UNC13C: variants seen among roughly 807,000 people sequenced by gnomAD.
UNC13C encodes the protein protein unc-13 homolog C.
Under a neutral mutation model 245.4 loss-of-function variants are expected in UNC13C, and 174 were observed. The ratio of observed to expected loss-of-function variants is 0.71; its 90% CI spans 0.63 to 0.80. The LOEUF (loss-of-function observed/expected upper bound fraction) is 0.80, where lower values mean the gene tolerates loss of function less well. UNC13C is among the 30% of genes least tolerant of loss of function. UNC13C has a pLI of 0.00. For synonymous variants in UNC13C, 992 were observed against 895.1 expected, an observed-to-expected ratio of 1.11 and a Z score of -1.93; for missense variants, 2,829 against 2,602.9, an observed-to-expected ratio of 1.09 and a Z score of -1.89.
the UNC13C span, among the ~76,000 whole-genome samples, chr15:53,850,556 A>AT: frequency 6.6e-6 from 1 of 152,206 alleles, no homozygotes; most frequent in Non-Finnish European, 1.5e-5. Flanking sequence ...ATCTGCAATC[A>AT]TTCCTTGTTG....
chr15:54,311,332 A>G (rs1253555212), intron 13 of UNC13C, among the ~76,000 whole-genome samples: 3 of 151,754 alleles, frequency 2.0e-5, no homozygotes, highest in Non-Finnish European at 4.4e-5. Context: ...TGTATTAAAA[A>G]CTGTTTAATT....
At chr15:53,999,857 T>C (rs1451497715) in intron 1 of UNC13C, among the ~76,000 whole-genome samples, 1 of 152,024 alleles carries the variant, frequency 6.6e-6, no homozygotes, top group Non-Finnish European at 1.5e-5. Flanking sequence ...TTTATAGATA[T>C]TTCATTCTTA....
chr15:54,380,862 T>TC (rs1408258028), intron 17 of UNC13C, among the ~76,000 whole-genome samples: 2 of 152,140 alleles, frequency 1.3e-5, no homozygotes, highest in East Asian at 3.8e-4. Flanking sequence ...GGGTAGTAAC[T>TC]CCTTATCAAA....
chr15:53,880,711 T>C, the UNC13C span, among the ~76,000 whole-genome samples: 12 of 151,930 alleles, frequency 7.9e-5, no homozygotes, highest in South Asian at 1.7e-3. Context: ...TTTTTTTTTT[T>C]CTGAAATCAT....
intron 7 of UNC13C, among the ~76,000 whole-genome samples, chr15:54,245,984 A>C (rs1468201120): frequency 1.3e-5 from 2 of 152,108 alleles, no homozygotes; most frequent in African/African-American, 4.8e-5. Flanking sequence ...TGGCAAATGG[A>C]GGCAGACAAG....
At chr15:54,187,238 C>T (rs2034022798) in intron 4 of UNC13C, among the ~76,000 whole-genome samples, 1 of 152,044 alleles carries the variant, frequency 6.6e-6, no homozygotes, top group Non-Finnish European at 1.5e-5. Context: ...TCACTACTGC[C>T]TTACCCTGAC....
the UNC13C span, among the ~76,000 whole-genome samples, chr15:53,957,847 C>G: frequency 6.6e-6 from 1 of 152,158 alleles, no homozygotes; most frequent in South Asian, 2.1e-4. Flanking sequence ...CAACAAACAC[C>G]AAATAGTCCC....
chr15:54,028,835 C>T (rs962892357), intron 2 of UNC13C, among the ~76,000 whole-genome samples: 8 of 151,914 alleles, frequency 5.3e-5, no homozygotes, highest in African/African-American at 1.2e-4. Context: ...GGACTACAGG[C>T]GCCCGCAGCC....
At position 54,581,271 on chromosome 15, in the gene UNC13C, C is replaced by T. The variant is rs145023398; in HGVS notation, c.6106+13324C>T. ...TGTCAGAAAGACACAGAGATCAAAG[C>T]GACAAGAAGACCAATCAGAGTGGAG... On this transcript the variant is annotated intron_variant, in intron 30 of 32. Coordinates refer to ENST00000260323, the MANE Select transcript of UNC13C (RefSeq NM_001080534.3). 1.6e-3 allele frequency among the ~76,000 whole-genome samples: 240 copies of T among 152,230 alleles called. 1 individual carries two copies. The highest frequency in any genetic ancestry group is 5.7e-3 in the African/African-American group (235 of 41,544).
downstream of UNC13C, chr15:54,631,246 C>G (rs1202324020): frequency 1.3e-5 from 2 of 152,190 alleles, no homozygotes; most frequent in African/African-American, 2.4e-5. Flanking sequence ...ACTTGAGAGG[C>G]TGAGGCAGGA....
chr15:53,942,510 C>T, the UNC13C span, among the ~76,000 whole-genome samples: 1 of 150,336 alleles, frequency 6.7e-6, no homozygotes, highest in East Asian at 2.0e-4. Flanking sequence ...ACTTGTTTAC[C>T]TATGTAAAAA....
intron 1 of UNC13C, among the ~76,000 whole-genome samples, chr15:53,989,250 G>A (rs770248719): frequency 1.1e-4 from 16 of 151,454 alleles, no homozygotes; most frequent in Non-Finnish European, 2.4e-4. Context: ...TGCATTTATC[G>A]ATGAAGGCAA....
chr15:53,874,325 T>C, the UNC13C span, among the ~76,000 whole-genome samples: 1 of 152,208 alleles, frequency 6.6e-6, no homozygotes, highest in East Asian at 1.9e-4. Context: ...GCATAATTAG[T>C]ATTATTCTCA....
intron 2 of UNC13C, among the ~76,000 whole-genome samples, chr15:54,123,090 C>T (rs946418456): frequency 6.6e-6 from 1 of 151,872 alleles, no homozygotes; most frequent in African/African-American, 2.4e-5. Context: ...TGTGTTGCTT[C>T]ACATCTTATC....
chr15:53,944,898 T>A, the UNC13C span, among the ~76,000 whole-genome samples: 1 of 152,182 alleles, frequency 6.6e-6, no homozygotes, highest in African/African-American at 2.4e-5. Flanking sequence ...TATAAGCATC[T>A]CCTTTCTCTG....
chr15:54,057,914 A>G (rs150970402), intron 2 of UNC13C, among the ~76,000 whole-genome samples: 24,469 of 152,066 alleles, frequency 0.16, 2,054 homozygotes, highest in Admixed American at 0.2. Context: ...TGAAACCAAC[A>G]AGAACAAAGA....
chr15:54,597,644 C>T (rs1196657606), intron 30 of UNC13C, among the ~76,000 whole-genome samples: 2 of 152,110 alleles, frequency 1.3e-5, no homozygotes, highest in African/African-American at 4.8e-5. Flanking sequence ...TTTTCATAGA[C>T]TGGTAACCTA....
At chr15:54,075,864 A>G (rs1465595109) in intron 2 of UNC13C, among the ~76,000 whole-genome samples, 2 of 152,072 alleles carry the variant, frequency 1.3e-5, no homozygotes, top group African/African-American at 4.8e-5. Flanking sequence ...TTAAATATTA[A>G]ATGAACATGC....
chr15:54,007,059 T>A (rs1003730807), intron 1 of UNC13C, among the ~76,000 whole-genome samples: 1 of 152,246 alleles, frequency 6.6e-6, no homozygotes, highest in Non-Finnish European at 1.5e-5. Context: ...TGAACAGATA[T>A]GTGGTGAACC....
Sources: allele counts gnomAD v4.1 joint callset (sites outside exome capture counted in the v4.1 genomes callset), GRCh38; gene constraint gnomAD v4.1.1; transcripts MANE v1.5; gene names NCBI Gene and HGNC (gene_info 2026-07-23, HGNC 2026-07-21).